Variants in ARHGAP12 observed in about 807,000 individuals in gnomAD.
The protein encoded by ARHGAP12 is rho GTPase-activating protein 12.
Under a neutral mutation model 108.6 loss-of-function variants are expected in ARHGAP12, and 64 were observed. That is an observed-to-expected ratio of 0.59 (90% CI 0.48 to 0.73). The LOEUF is 0.73. Among genes scored for constraint, ARHGAP12 ranks in the 30% least tolerant of loss-of-function variants. The pLI, the probability that ARHGAP12 is intolerant of heterozygous loss-of-function variation, is 0.00. For synonymous variants in ARHGAP12, 312 were observed against 337.2 expected, an observed-to-expected ratio of 0.93 and a Z score of 0.82; for missense variants, 940 against 1,005.9, an observed-to-expected ratio of 0.93 and a Z score of 0.89.
intron 4 of ARHGAP12, among the ~76,000 whole-genome samples, chr10:31,856,175 A>T (rs568022698): frequency 5.3e-5 from 8 of 152,232 alleles, no homozygotes; most frequent in Middle Eastern, 3.4e-3. Context: ...GTTACATAAA[A>T]TTTTTTTTAA....
At chr10:31,897,298 T>G (rs533099771) in intron 3 of ARHGAP12, among the ~76,000 whole-genome samples, 5 of 152,190 alleles carry the variant, frequency 3.3e-5, no homozygotes, top group African/African-American at 1.2e-4. Context: ...TCCACATCCC[T>G]GGTCTTGCCT....
chr10:31,842,898 C>T (rs527244061), intron 7 of ARHGAP12, among the ~76,000 whole-genome samples: 49 of 152,132 alleles, frequency 3.2e-4, no homozygotes, highest in African/African-American at 1.1e-3. Context: ...CTAATGTTTG[C>T]ATTAAAATTT....
At chr10:31,877,213 G>T (rs904654049) in intron 3 of ARHGAP12, among the ~76,000 whole-genome samples, 1 of 152,190 alleles carries the variant, frequency 6.6e-6, no homozygotes, top group South Asian at 2.1e-4. Flanking sequence ...GCATAAAGAC[G>T]CCTGGTTCCT....
rs531136395 is a variant in ARHGAP12 at position 31,884,412 on chromosome 10, AT to A, written c.685-22755del. 4.0e-5 allele frequency among the ~76,000 whole-genome samples: 6 copies of A among 150,998 alleles called. No homozygotes were observed. The East Asian group carries it at 5.8e-4, about 15-fold the overall frequency. ...CTGCTTCTACATTCAATATTTTGCAATTTTTTTTTGGTTGAAGTACATAAAC... is the reference window on the plus strand; with the variant it reads ...CTGCTTCTACATTCAATATTTTGCAATTTTTTTTGGTTGAAGTACATAAAC... On this transcript the variant is annotated intron_variant, in intron 3 of 19. Transcript: ENST00000344936.
intron 7 of ARHGAP12, among the ~76,000 whole-genome samples, chr10:31,839,922 ACAGT>A (rs1182295158): frequency 6.6e-6 from 1 of 152,118 alleles, no homozygotes; most frequent in Non-Finnish European, 1.5e-5. Flanking sequence ...TATAGCAATT[ACAGT>A]TAAATTTAAA....
At chr10:31,900,479 A>C (rs1331070595) in intron 3 of ARHGAP12, among the ~76,000 whole-genome samples, 1 of 152,222 alleles carries the variant, frequency 6.6e-6, no homozygotes, top group Non-Finnish European at 1.5e-5. Context: ...TAAATGGATA[A>C]ACTGTGAAAG....
chr10:31,889,405 A>G (rs1033791457), intron 3 of ARHGAP12, among the ~76,000 whole-genome samples: 16 of 152,124 alleles, frequency 1.1e-4, no homozygotes, highest in Non-Finnish European at 2.1e-4. Flanking sequence ...TTCTGTGCAA[A>G]AAAGTACAAC....
At chr10:31,919,502 T>C (rs990505408) in intron 1 of ARHGAP12, among the ~76,000 whole-genome samples, 5 of 152,116 alleles carry the variant, frequency 3.3e-5, no homozygotes, top group African/African-American at 1.2e-4. Flanking sequence ...TCTTTAAAAG[T>C]AGATATAGGG....
chr10:31,892,609 C>T (rs1452685095), intron 3 of ARHGAP12, among the ~76,000 whole-genome samples: 1 of 152,154 alleles, frequency 6.6e-6, no homozygotes, highest in Non-Finnish European at 1.5e-5. Context: ...AAAGCAAGTC[C>T]TTAGAGACCT....
In ARHGAP12 at chr10:31,839,660, A is replaced by G. The variant is rs368874725; in HGVS notation, c.1348T>C (p.Ser450Pro). The G allele has an allele frequency of 1.2e-6, 2 of 1,608,328 alleles. No individual in the cohort carries two copies. The highest frequency in any genetic ancestry group is 2.2e-5 in the South Asian group (2 of 90,486). ...PCFPENESSP[S>P]SPKHQDTASS... is the part of the protein sequence containing the mutation. ...ACTGTATCTTGGTGCTTTGGTGAGG[A>G]GGGAGAAGACTCATTTTCAGGAAAG... is the stretch of plus-strand genomic sequence containing the variant. Residue 450 changes from serine to proline, a missense_variant, in exon 8 of 20, where the codon TCC (serine) becomes CCC (proline). Coordinates refer to ENST00000344936, the MANE Select transcript of ARHGAP12 (RefSeq NM_018287.7).
chr10:31,843,789 A>G (rs1836352973), intron 6 of ARHGAP12, among the ~76,000 whole-genome samples: 1 of 152,204 alleles, frequency 6.6e-6, no homozygotes, highest in Non-Finnish European at 1.5e-5. Flanking sequence ...CTCTGGTGTT[A>G]CACAGACCAA....
At chr10:31,853,458 A>G (rs1165338189) in intron 5 of ARHGAP12, among the ~76,000 whole-genome samples, 1 of 152,216 alleles carries the variant, frequency 6.6e-6, no homozygotes, top group Non-Finnish European at 1.5e-5. Flanking sequence ...TGAGTATGAC[A>G]TAAATGAAAA....
chr10:31,864,262 T>C (rs1356082552), intron 3 of ARHGAP12, among the ~76,000 whole-genome samples: 1 of 152,104 alleles, frequency 6.6e-6, no homozygotes, highest in Non-Finnish European at 1.5e-5. Flanking sequence ...CAGTTTCCCA[T>C]ACATAAGCAA....
At position 31,886,035 on chromosome 10, in the gene ARHGAP12, G is replaced by T. The variant is rs140090324; in HGVS notation, c.684+22137C>A. On this transcript the variant is annotated intron_variant, in intron 3 of 19. Coordinates refer to ENST00000344936, the MANE Select transcript of ARHGAP12 (RefSeq NM_018287.7). ...AATTCTGATCTTGACTGTTATAACA[G>T]ACTTCAAACTAATTGTTGTGATAAA... Among the ~76,000 whole-genome samples the T allele has an allele frequency of 1.7e-3, 254 of 152,240 alleles. 2 individuals carry two copies. Among genetic ancestry groups the T allele is most frequent in the African/African-American group, 5.9e-3 (244 of 41,532 alleles).
intron 6 of ARHGAP12, among the ~76,000 whole-genome samples, chr10:31,846,976 T>C (rs1393465694): frequency 1.3e-5 from 2 of 149,730 alleles, no homozygotes; most frequent in Non-Finnish European, 3.0e-5. Flanking sequence ...CTAACCTATC[T>C]TCAAGATCAT....
intron 3 of ARHGAP12, among the ~76,000 whole-genome samples, chr10:31,882,251 A>T (rs879683494): frequency 5.3e-5 from 8 of 152,160 alleles, no homozygotes; most frequent in Non-Finnish European, 1.0e-4. Flanking sequence ...TAGTAGCCAG[A>T]GCCTACCTAA....
chr10:31,916,538 G>A (rs1014969305), intron 1 of ARHGAP12, among the ~76,000 whole-genome samples: 2 of 152,116 alleles, frequency 1.3e-5, no homozygotes, highest in Admixed American at 1.3e-4. Context: ...TCTCCCCCAG[G>A]ACATCCGTTT....
chr10:31,888,964 C>A (rs1411741045), intron 3 of ARHGAP12, among the ~76,000 whole-genome samples: 1 of 151,746 alleles, frequency 6.6e-6, no homozygotes, highest in Non-Finnish European at 1.5e-5. Context: ...GGCTGGAGTG[C>A]AATGGTGCAA....
rs139083111 is a variant in ARHGAP12, at chr10:31,844,852, T to G, written c.1171-1266A>C. Among the ~76,000 whole-genome samples the G allele has an allele frequency of 1.1e-3, 163 of 152,210 alleles. 3 individuals carry two copies. The South Asian group carries it at 0.032, about 30-fold the overall frequency. On this transcript the variant is annotated intron_variant, in intron 6 of 19. Coordinates refer to ENST00000344936, the MANE Select transcript of ARHGAP12 (RefSeq NM_018287.7). ...TTCCCTACCCACCAACGACTCCCTA[T>G]TCAGGAATATTTTGACTCTTTATGG...
Sources: gnomAD v4.1 joint callset for allele counts (sites outside exome capture counted in the v4.1 genomes callset) on GRCh38, gnomAD v4.1.1 for gene constraint, MANE v1.5 for transcripts, NCBI Gene and HGNC (gene_info 2026-07-23, HGNC 2026-07-21) for gene names.